The following C12orf76 variants were observed in gnomAD, a reference collection of about 807,000 sequenced individuals.
C12orf76 encodes chromosome 12 open reading frame 76.
In C12orf76, 6 loss-of-function variants were observed where a neutral mutation model predicts 6.8. That is an observed-to-expected ratio of 0.88 (90% CI 0.48 to 1.73). The LOEUF (loss-of-function observed/expected upper bound fraction) is 1.73, where lower values mean the gene tolerates loss of function less well. Ranked by LOEUF, C12orf76 falls within the 40% of genes most tolerant of loss-of-function variation. C12orf76 has a pLI of 0.01. For synonymous variants in C12orf76, 56 were observed against 43.7 expected (o/e 1.28, Z -1.11); for missense variants, 99 against 98.2 (o/e 1.01, Z -0.03).
chr12:110,069,390 A>C (rs573618597), upstream of C12orf76, among the ~76,000 whole-genome samples: 11 of 152,234 alleles, frequency 7.2e-5, no homozygotes, highest in African/African-American at 2.4e-4. Context: ...CAATGAGCCG[A>C]GATCACACCA....
chr12:110,060,933 G>T (rs977259792), intron 2 of C12orf76, among the ~76,000 whole-genome samples: 2 of 151,972 alleles, frequency 1.3e-5, no homozygotes, highest in African/African-American at 4.8e-5. Flanking sequence ...TACTCAGGAG[G>T]CTGAGACAGG....
At chr12:110,055,138 A>G (rs1267139556) in intron 4 of C12orf76, among the ~76,000 whole-genome samples, 1 of 152,152 alleles carries the variant, frequency 6.6e-6, no homozygotes, top group African/African-American at 2.4e-5. Context: ...TTAAAAAGAA[A>G]GATTGTCAAG....
At chr12:110,068,208 A>AAAG, upstream of C12orf76, among the ~76,000 whole-genome samples, 1 of 151,098 alleles carries the variant, frequency 6.6e-6, no homozygotes, top group South Asian at 2.1e-4. Context: ...CCGTCTCAAA[A>AAAG]AAGAAGAAGA....
At chr12:110,065,165 T>C (rs888880082) in intron 2 of C12orf76, among the ~76,000 whole-genome samples, 5 of 151,776 alleles carry the variant, frequency 3.3e-5, no homozygotes, top group Admixed American at 2.0e-4. Context: ...TGTGCATATA[T>C]ATATATACAC....
intron 1 of C12orf76, among the ~76,000 whole-genome samples, chr12:110,045,402 G>A (rs1365920919): frequency 4.6e-5 from 7 of 151,912 alleles, no homozygotes; most frequent in South Asian, 4.1e-4. Context: ...TCTGGCTAAC[G>A]TGGTGAAACC....
rs1354073426 is a variant in C12orf76 at position 110,046,410 on chromosome 12, G to C, written c.133+1953C>G. ...CACTGCACTCCAGCCTTGGCAACAAGAGCAAAACTCCATCTCAAAAAAATA... is the reference window on the plus strand; with the variant it reads ...CACTGCACTCCAGCCTTGGCAACAACAGCAAAACTCCATCTCAAAAAAATA... On this transcript the variant is annotated intron_variant, in intron 1 of 1. Coordinates refer to ENST00000615315, the MANE Select transcript of C12orf76 (RefSeq NM_001389625.1). Among the ~76,000 whole-genome samples, 5 of 152,170 alleles carry C rather than the reference G, an allele frequency of 3.3e-5. 1 individual carries two copies. In the South Asian group the frequency reaches 8.3e-4, roughly 25 times the overall value.
In C12orf76 at chr12:110,054,850, C is replaced by T. The variant is rs1359299273; in HGVS notation, n.664+2339G>A. On this transcript the variant is annotated intron_variant and non_coding_transcript_variant, in intron 4 of 4. Transcript: ENST00000309050. This position sits in a 1 kb window ranked among gnomAD's most constrained non-coding sequence, Gnocchi z 4.4. Reference sequence around the variant, plus strand: ...TTGCTGTGTTGCCGAGGCTGGAACGCAGTGGCTATTTCACAGGTGCAGTCA... The same window carrying T: ...TTGCTGTGTTGCCGAGGCTGGAACGTAGTGGCTATTTCACAGGTGCAGTCA... Among the ~76,000 whole-genome samples the T allele has an allele frequency of 6.6e-6, 1 of 152,214 alleles. No individual in the cohort carries two copies. The highest frequency in any genetic ancestry group is 1.5e-5 in the Non-Finnish European group (1 of 68,038).
chr12:110,065,766 T>C, intron 2 of C12orf76: 1 of 1,608,300 alleles, frequency 6.2e-7, no homozygotes, highest in Non-Finnish European at 8.5e-7. Flanking sequence ...CTTCTCTGCA[T>C]AATACTTTTC....
At chr12:110,065,850 C>CA in intron 2 of C12orf76, 1 of 1,614,194 alleles carries the variant, frequency 6.2e-7, no homozygotes, top group Non-Finnish European at 8.5e-7. Context: ...GCTCTACCCT[C>CA]CTCTCTTACC....
chr12:110,060,901 G>A (rs542493397), intron 2 of C12orf76, among the ~76,000 whole-genome samples: 1 of 152,094 alleles, frequency 6.6e-6, no homozygotes, highest in East Asian at 1.9e-4. Flanking sequence ...CAGGTGTGGT[G>A]GCGGGCACCT....
chr12:110,048,782 T>C (rs529243530), upstream of C12orf76: 10 of 634,750 alleles, frequency 1.6e-5, no homozygotes, highest in Middle Eastern at 5.6e-4. Flanking sequence ...CCCTCATCCA[T>C]TGGGGTCGAG....
upstream of C12orf76, among the ~76,000 whole-genome samples, chr12:110,071,631 T>C (rs767104006): frequency 4.6e-5 from 7 of 152,024 alleles, no homozygotes; most frequent in African/African-American, 7.2e-5. Context: ...TGACTCTTAG[T>C]AAACTACACT....
intron 1 of C12orf76, among the ~76,000 whole-genome samples, chr12:110,043,636 G>A (rs1414435268): frequency 2.6e-5 from 4 of 151,938 alleles, no homozygotes; most frequent in African/African-American, 7.3e-5. Context: ...GGCGGATCAC[G>A]AGGTCAGGAG....
In C12orf76 at chr12:110,073,269, G is replaced by T. The variant is rs367725931; in HGVS notation, n.213+153C>A. ...CTGGCACCATTTCCTCTTGCCTGAT[G>T]CTGCTTCCTCCCTCCCGCCCGGTTT... On this transcript the variant is annotated intron_variant and non_coding_transcript_variant, in intron 1 of 1. Coordinates refer to the C12orf76 transcript ENST00000548936. 9.2e-5 allele frequency among the ~76,000 whole-genome samples: 14 copies of T among 152,330 alleles called. 1 individual carries two copies. Among genetic ancestry groups the T allele is most frequent in the African/African-American group, 3.1e-4 (13 of 41,574 alleles).
At chr12:110,059,618 A>G (rs753309893) in intron 2 of C12orf76, among the ~76,000 whole-genome samples, 1 of 152,212 alleles carries the variant, frequency 6.6e-6, no homozygotes, top group African/African-American at 2.4e-5. Flanking sequence ...ATCTGAGTTT[A>G]TTTTCCTAAA....
chr12:110,054,234 AC>A (rs1443208559), upstream of C12orf76, among the ~76,000 whole-genome samples: 2 of 152,238 alleles, frequency 1.3e-5, no homozygotes, highest in Non-Finnish European at 2.9e-5. This position sits in a 1 kb window ranked among gnomAD's most constrained non-coding sequence, Gnocchi z 4.4. Flanking sequence ...CCAAAGCCAC[AC>A]CATGTACTCA....
rs183776115 is a variant in C12orf76, at chr12:110,073,216, G to C, written n.213+206C>G. ...AGTAGATCAGAAATGAATCCCGCTCGCCTTCCATGGCTTCTCTCTGCTGCA... is the reference window on the plus strand; with the variant it reads ...AGTAGATCAGAAATGAATCCCGCTCCCCTTCCATGGCTTCTCTCTGCTGCA... On this transcript the variant is annotated intron_variant and non_coding_transcript_variant, in intron 1 of 1. Transcript: ENST00000548936. Among the ~76,000 whole-genome samples the C allele has an allele frequency of 1.2e-4, 19 of 152,226 alleles. No individual in the cohort carries two copies. The Middle Eastern group carries it at 0.01, about 82-fold the overall frequency.
chr12:110,061,162 T>C (rs536725870), intron 2 of C12orf76, among the ~76,000 whole-genome samples: 22 of 151,470 alleles, frequency 1.5e-4, no homozygotes, highest in Non-Finnish European at 2.9e-4. Flanking sequence ...TCTACATGCA[T>C]ATGTTCCATG....
upstream of C12orf76, among the ~76,000 whole-genome samples, chr12:110,068,322 GAAGAAGA>G (rs1566080307): frequency 1.1e-3 from 148 of 139,278 alleles, 3 homozygotes; most frequent in African/African-American, 3.5e-3. Context: ...AGAAGAAGAA[GAAGAAGA>G]AGGCGGCCAA....
Sources: allele counts gnomAD v4.1 joint callset (sites outside exome capture counted in the v4.1 genomes callset), GRCh38; gene constraint gnomAD v4.1.1; non-coding constraint Gnocchi (gnomAD v3.1); transcripts MANE v1.5; gene names NCBI Gene and HGNC (gene_info 2026-07-23, HGNC 2026-07-21).